The following CFH variants were observed in gnomAD, a reference collection of about 807,000 sequenced individuals.
CFH encodes complement factor H, also known as H factor 1 (complement).
In CFH, 53 loss-of-function variants were observed where a neutral mutation model predicts 147.3. The observed-to-expected ratio is 0.36, with a 90% CI of 0.29 to 0.45. The LOEUF is 0.45. Ranked by LOEUF, CFH falls within the 20% of genes least tolerant of loss-of-function variation. CFH has a pLI of 1.00. For missense variants in CFH, 1,380 were observed against 1,498.0 expected, an observed-to-expected ratio of 0.92 and a Z score of 1.30; for synonymous variants, 536 against 489.4, an observed-to-expected ratio of 1.10 and a Z score of -1.26.
chr1:196,729,285 C>T (rs1669226205), intron 15 of CFH, among the ~76,000 whole-genome samples: 2 of 152,018 alleles, frequency 1.3e-5, no homozygotes, highest in Admixed American at 1.3e-4. Context: ...GTGAAGTGTA[C>T]ATGTTCTACA....
chr1:196,746,438 G>C lies in CFH; in HGVS notation c.3493+439G>C, dbSNP rs376819818. On this transcript the variant is annotated intron_variant, in intron 21 of 21. Coordinates refer to ENST00000367429, the MANE Select transcript of CFH (RefSeq NM_000186.4). The stretch of plus-strand genomic sequence containing the variant: ...TGCACTCCAGCCTGGGTGACAAAGC[G>C]AGACTCCGTCTCAATAAAAACAACA... Among the ~76,000 whole-genome samples, 11 of 152,120 alleles carry C rather than the reference G, an allele frequency of 7.2e-5. No individual in the cohort carries two copies. The East Asian group carries it at 9.6e-4, about 13-fold the overall frequency.
intron 9 of CFH, among the ~76,000 whole-genome samples, chr1:196,705,720 C>A (rs1232049174): frequency 1.3e-5 from 2 of 152,080 alleles, no homozygotes; most frequent in African/African-American, 4.8e-5. Flanking sequence ...CCACTGGCAC[C>A]ACTTGTGATC....
intron 1 of CFH, among the ~76,000 whole-genome samples, chr1:196,671,642 C>T (rs1667283502): frequency 1.4e-5 from 2 of 147,094 alleles, no homozygotes; most frequent in African/African-American, 5.0e-5. Flanking sequence ...TATACATATA[C>T]ACATATATAT....
chr1:196,662,053 C>T (rs1481762343), intron 1 of CFH, among the ~76,000 whole-genome samples: 1 of 152,136 alleles, frequency 6.6e-6, no homozygotes, highest in Non-Finnish European at 1.5e-5. Flanking sequence ...CTCTCTTTTT[C>T]AGAGGAGCCT....
At chr1:196,723,665 TG>T (rs1669056915) in intron 11 of CFH, among the ~76,000 whole-genome samples, 1 of 152,020 alleles carries the variant, frequency 6.6e-6, no homozygotes, top group African/African-American at 2.4e-5. Flanking sequence ...TCTGAGGAGC[TG>T]GGGACAAAGC....
At chr1:196,664,589 C>T (rs189663301) in intron 1 of CFH, among the ~76,000 whole-genome samples, 159 of 152,232 alleles carry the variant, frequency 1.0e-3, no homozygotes, top group Non-Finnish European at 2.0e-3. Context: ...ACAAAACAAG[C>T]AGCGATTGGA....
chr1:196,654,764 A>G (rs778024007), intron 1 of CFH, among the ~76,000 whole-genome samples: 1 of 152,182 alleles, frequency 6.6e-6, no homozygotes, highest in Non-Finnish European at 1.5e-5. Context: ...GGAGATTTAG[A>G]GTGCAGAAAC....
intron 4 of CFH, 67 bp downstream of exon 4, chr1:196,676,132 T>G: frequency 1.1e-6 from 1 of 942,050 alleles, no homozygotes; most frequent in Admixed American, 2.0e-5. Context: ...AGTCTTACAT[T>G]AAAATATCTT....
At chr1:196,696,702 TC>T (rs1422572617) in intron 9 of CFH, among the ~76,000 whole-genome samples, 1 of 152,106 alleles carries the variant, frequency 6.6e-6, no homozygotes, top group African/African-American at 2.4e-5. Flanking sequence ...GCCAAGTCAA[TC>T]CTAAGACAAA....
chr1:196,730,605 ATTGT>A (rs1669259638), intron 15 of CFH, among the ~76,000 whole-genome samples: 1 of 151,764 alleles, frequency 6.6e-6, no homozygotes, highest in Admixed American at 6.6e-5. Context: ...GGTATAAATT[ATTGT>A]TTAAGTTTAA....
At chr1:196,733,402 T>G (rs2149111507) in intron 15 of CFH, among the ~76,000 whole-genome samples, 1 of 152,214 alleles carries the variant, frequency 6.6e-6, no homozygotes, top group East Asian at 1.9e-4. Context: ...TTACGATCTA[T>G]GGAGACTGGT....
intron 4 of CFH, chr1:196,677,163 T>A (rs1270176692): frequency 7.9e-6 from 2 of 254,028 alleles, no homozygotes; most frequent in South Asian, 1.1e-4. Flanking sequence ...TAAATGAAAA[T>A]GTATTTAATT....
rs3043111 is a variant in CFH at position 196,681,470 on chromosome 1, TCACA to T, written c.790+1701_790+1704del. On this transcript the variant is annotated intron_variant, in intron 6 of 21. Coordinates refer to ENST00000367429, the MANE Select transcript of CFH (RefSeq NM_000186.4). ...TTGCTTCTCTTGAACACTAATTGAT[TCACA>T]CACACACACACACACACACACACCC... is the stretch of plus-strand genomic sequence containing the variant. 2.7e-3 allele frequency among the ~76,000 whole-genome samples: 398 copies of T among 148,128 alleles called. 1 individual carries two copies. The highest frequency in any genetic ancestry group is 7.2e-3 in the African/African-American group (292 of 40,394).
In CFH at chr1:196,737,624, T is replaced by C; in HGVS notation, c.2746T>C (p.Tyr916His). Reference sequence around the variant, plus strand: ...ATCTGAAGAAAATGAAACAACATGCTACATGGGAAAATGGAGTTCTCCACC... The same window carrying C: ...ATCTGAAGAAAATGAAACAACATGCCACATGGGAAAATGGAGTTCTCCACC... ...RISEENETTC[Y>H]MGKWSSPPQC... The change falls in exon 17 of 22, where the codon TAC becomes CAC. Residue 916 changes from tyrosine to histidine, a missense_variant. Tyr to His is a moderately conservative substitution (Grantham distance 83). This residue lies in a region of CFH where 830 missense variants were observed against 821.4 expected (regional missense o/e 1.01). Transcript: ENST00000367429. The C allele has an allele frequency of 6.2e-7, 1 of 1,613,466 alleles. No homozygotes were observed. Among genetic ancestry groups the C allele is most frequent in the Non-Finnish European group, 8.5e-7 (1 of 1,179,628 alleles).
rs1205930941 is a variant in CFH at position 196,726,938 on chromosome 1, T to C, written c.2234T>C (p.Val745Ala). The C allele has an allele frequency of 1.2e-6, 2 of 1,611,898 alleles. No homozygotes were observed. The highest frequency in any genetic ancestry group is 1.7e-4 in the Middle Eastern group (1 of 6,054). ...HGVWTQLPQC[V>A]AIDKLKKCKS... Reference sequence around the variant, plus strand: ...GTATGGACCCAACTTCCCCAGTGTGTGGGTGAGAATACCCTTCTTAAATCA... The same window carrying C: ...GTATGGACCCAACTTCCCCAGTGTGCGGGTGAGAATACCCTTCTTAAATCA... Residue 745 changes from valine to alanine, a missense_variant and splice_region_variant, in exon 14 of 22, where the codon GTG becomes GCG. Physicochemically the swap from Val to Ala is moderately conservative, Grantham distance 64. Transcript: ENST00000367429.
chr1:196,675,974 T>G lies in CFH; in HGVS notation c.351-15T>G. 6.4e-7 allele frequency: 1 copy of G among 1,572,796 alleles called. No individual in the cohort carries two copies. The highest frequency in any genetic ancestry group is 8.7e-7 in the Non-Finnish European group (1 of 1,143,504). ...CACACATTATGTCAACGTTCTGTTA[T>G]TTTTTGGTTTTCAGGTATCAATTGC... On this transcript the variant is annotated splice_polypyrimidine_tract_variant and intron_variant, in intron 3 of 21. Transcript: ENST00000367429.
chr1:196,740,949 C>A lies in CFH; in HGVS notation c.2956+157C>A, dbSNP rs146737328. 2.9e-4 allele frequency: 219 copies of A among 755,652 alleles called. No individual in the cohort carries two copies. In the East Asian group the frequency reaches 5.8e-3, roughly 20 times the overall value. The allele number at this position is 755,652 out of a possible 1,614,324, so 46.8% of individuals were successfully genotyped here. A position where few individuals can be genotyped will look rare whatever the true frequency, so the allele number is the denominator to read the frequency against. On this transcript the variant is annotated intron_variant, in intron 18 of 21. Transcript: ENST00000367429. The stretch of plus-strand genomic sequence containing the variant: ...GAAATTATAGCTGTAGTAATTAAAA[C>A]ATTTGACATTATAAGCCAAATTAGT...
intron 1 of CFH, among the ~76,000 whole-genome samples, chr1:196,658,122 A>G (rs942809333): frequency 2.6e-5 from 4 of 152,268 alleles, no homozygotes; most frequent in African/African-American, 9.6e-5. Flanking sequence ...ATTGATTTTT[A>G]GCTTTGACCA....
chr1:196,710,779 G>GTT (rs34845806), intron 9 of CFH, among the ~76,000 whole-genome samples: 28 of 151,524 alleles, frequency 1.8e-4, no homozygotes, highest in East Asian at 5.9e-4. Context: ...TCTTACCCTA[G>GTT]TTTTTTTTAT....
Sources: allele counts gnomAD v4.1 joint callset (sites outside exome capture counted in the v4.1 genomes callset), GRCh38; gene constraint gnomAD v4.1.1; regional missense constraint gnomAD v4.1.1; transcripts MANE v1.5; gene names NCBI Gene and HGNC (gene_info 2026-07-23, HGNC 2026-07-21).